Variants in BACH1 observed in about 807,000 individuals in gnomAD.
BACH1 encodes the protein transcription regulator protein BACH1.
A neutral mutation model predicts 52.9 loss-of-function variants in BACH1; 35 were observed. The ratio of observed to expected loss-of-function variants is 0.66; its 90% confidence interval spans 0.51 to 0.88. The LOEUF is 0.88. Among genes scored for constraint, BACH1 ranks in the 40% least tolerant of loss-of-function variants. BACH1 has a pLI of 0.00. For synonymous variants in BACH1, 321 were observed against 319.6 expected (o/e 1.00, Z -0.05); for missense variants, 808 against 872.6 (o/e 0.93, Z 0.93).
downstream of BACH1, among the ~76,000 whole-genome samples, chr21:29,346,381 C>T (rs183860590): frequency 6.6e-6 from 1 of 152,208 alleles, no homozygotes; most frequent in Non-Finnish European, 1.5e-5. Context: ...TATAGGGACT[C>T]TTAAGGGGTA....
Position 29,345,871 on chromosome 21 carries a change from A to G in BACH1, c.*3038A>G, listed in dbSNP as rs1371741454. 3 of 152,654 alleles carry G rather than the reference A, an allele frequency of 2.0e-5. No individual in the cohort carries two copies. The highest frequency in any genetic ancestry group is 7.2e-5 in the African/African-American group (3 of 41,468). 9.5% of individuals were successfully genotyped at this position (152,654 alleles called of 1,614,324 possible). ...GTTGGGTAGAATGAAAATTAAAGCCATAATGGTAGAAGATGGCATACTGAT... is the reference window on the plus strand; with the variant it reads ...GTTGGGTAGAATGAAAATTAAAGCCGTAATGGTAGAAGATGGCATACTGAT... On this transcript the variant is annotated 3_prime_UTR_variant, in exon 5 of 5. Coordinates refer to ENST00000286800, the MANE Select transcript of BACH1 (RefSeq NM_001186.4).
chr21:29,340,944 A>C (rs1194841400), intron 4 of BACH1, among the ~76,000 whole-genome samples: 1 of 150,652 alleles, frequency 6.6e-6, no homozygotes, highest in Non-Finnish European at 1.5e-5. Context: ...CATACTTAAC[A>C]CGCACATTCT....
chr21:29,313,072 A>G (rs1388055295), intron 1 of BACH1, among the ~76,000 whole-genome samples: 1 of 152,208 alleles, frequency 6.6e-6, no homozygotes, highest in Non-Finnish European at 1.5e-5. Flanking sequence ...AGATGACAGT[A>G]CCAAGGGTTA....
At chr21:29,321,685 A>C (rs76701016) in intron 2 of BACH1, among the ~76,000 whole-genome samples, 171 bp downstream of exon 2, 17,809 of 148,008 alleles carry the variant, frequency 0.12, 1,456 homozygotes, top group East Asian at 0.36. Context: ...TAAAATCATT[A>C]ATTTTGAATG....
intron 1 of BACH1, among the ~76,000 whole-genome samples, chr21:29,314,494 A>G (rs2088763984): frequency 6.6e-6 from 1 of 152,204 alleles, no homozygotes; most frequent in Non-Finnish European, 1.5e-5. Context: ...TTAACTATAT[A>G]GTTTTTAATG....
At chr21:29,312,043 T>C (rs2088729639) in intron 1 of BACH1, among the ~76,000 whole-genome samples, 1 of 152,256 alleles carries the variant, frequency 6.6e-6, no homozygotes, top group Non-Finnish European at 1.5e-5. Context: ...TAGCTGCTGT[T>C]TGGCAGTTTC....
chr21:29,314,450 T>A (rs566703157), intron 1 of BACH1, among the ~76,000 whole-genome samples: 2 of 152,318 alleles, frequency 1.3e-5, no homozygotes, highest in Admixed American at 1.3e-4. Context: ...GAATATGGAT[T>A]TAGACCCAGC....
chr21:29,360,227 T>C (rs2089263143), intron 2 of BACH1, among the ~76,000 whole-genome samples: 1 of 152,154 alleles, frequency 6.6e-6, no homozygotes, highest in Non-Finnish European at 1.5e-5. Flanking sequence ...CATGTCATCA[T>C]GTACCCAAGA....
At chr21:29,303,536 T>G (rs1231167450) in intron 1 of BACH1, among the ~76,000 whole-genome samples, 1 of 152,256 alleles carries the variant, frequency 6.6e-6, no homozygotes, top group East Asian at 1.9e-4. Context: ...AAGTGTGCAC[T>G]GAGTTGAAAT....
intron 1 of BACH1, among the ~76,000 whole-genome samples, chr21:29,314,440 G>A (rs1367335777): frequency 6.6e-6 from 1 of 152,092 alleles, no homozygotes; most frequent in African/African-American, 2.4e-5. Flanking sequence ...TCATAATTTC[G>A]AATATGGATT....
At chr21:29,348,555 G>A (rs907798517), downstream of BACH1, among the ~76,000 whole-genome samples, 1 of 152,128 alleles carries the variant, frequency 6.6e-6, no homozygotes, top group East Asian at 1.9e-4. Context: ...TTGGAAGGAC[G>A]CTCAAAAAGG....
intron 1 of BACH1, among the ~76,000 whole-genome samples, chr21:29,302,576 CAG>C (rs2088615297): frequency 6.6e-6 from 1 of 152,310 alleles, no homozygotes; most frequent in African/African-American, 2.4e-5. Flanking sequence ...CTCTGTAAAA[CAG>C]GGGTGGTGAT....
chr21:29,302,314 G>C (rs2088612567), intron 1 of BACH1, among the ~76,000 whole-genome samples: 2 of 152,206 alleles, frequency 1.3e-5, no homozygotes, highest in Non-Finnish European at 2.9e-5. Context: ...CCCTTGGAGG[G>C]AGTAAACATT....
intron 2 of BACH1, among the ~76,000 whole-genome samples, chr21:29,355,980 G>A (rs571552707): frequency 3.3e-5 from 5 of 152,332 alleles, no homozygotes; most frequent in Admixed American, 2.6e-4. Context: ...GGAGGTCTAG[G>A]CCTCAGCAGT....
intron 2 of BACH1, among the ~76,000 whole-genome samples, chr21:29,325,244 C>T (rs2088897012): frequency 6.6e-6 from 1 of 151,990 alleles, no homozygotes; most frequent in African/African-American, 2.4e-5. Flanking sequence ...AAAAAAAAAT[C>T]ACAAATATTA....
chr21:29,359,217 A>G (rs1432467740), intron 2 of BACH1: 1 of 152,054 alleles, frequency 6.6e-6, no homozygotes, highest in Non-Finnish European at 1.5e-5. Flanking sequence ...AAGATTTGAC[A>G]CTGTACTCGG....
At chr21:29,313,690 G>C (rs1358999777) in intron 1 of BACH1, among the ~76,000 whole-genome samples, 1 of 152,126 alleles carries the variant, frequency 6.6e-6, no homozygotes, top group South Asian at 2.1e-4. Flanking sequence ...ATGTTTCTGA[G>C]TAATGAAAGA....
At position 29,306,375 on chromosome 21, in the gene BACH1, T is replaced by C. The variant is rs374291704; in HGVS notation, c.-61+7422T>C. ...GAAGAAGACACACTTTTTTTTTTTTTTTCCTAGGTTGTTGCTATCAGTGAG... is the reference window on the plus strand; with the variant it reads ...GAAGAAGACACACTTTTTTTTTTTTCTTCCTAGGTTGTTGCTATCAGTGAG... On this transcript the variant is annotated intron_variant, in intron 1 of 4. Coordinates refer to ENST00000286800, the MANE Select transcript of BACH1 (RefSeq NM_001186.4). 9.9e-4 allele frequency among the ~76,000 whole-genome samples: 151 copies of C among 152,114 alleles called. 5 individuals are homozygous for C. In the South Asian group the frequency reaches 0.021, roughly 21 times the overall value.
intron 1 of BACH1, among the ~76,000 whole-genome samples, chr21:29,315,091 C>G (rs1385415542): frequency 6.6e-6 from 1 of 151,980 alleles, no homozygotes; most frequent in Non-Finnish European, 1.5e-5. Context: ...TAGAATTTTT[C>G]TTATGGGAAT....
Sources: gnomAD v4.1 joint callset for allele counts (sites outside exome capture counted in the v4.1 genomes callset) on GRCh38, gnomAD v4.1.1 for gene constraint, MANE v1.5 for transcripts, NCBI Gene and HGNC (gene_info 2026-07-23, HGNC 2026-07-21) for gene names.